Variants in ZC3H12B observed in about 807,000 individuals in gnomAD.
ZC3H12B encodes the protein probable ribonuclease ZC3H12B.
Under a neutral mutation model 43.9 loss-of-function variants are expected in ZC3H12B, and 7 were observed. The observed-to-expected ratio is 0.16, with a 90% CI of 0.09 to 0.30. ZC3H12B has a LOEUF of 0.30. Among genes scored for constraint, ZC3H12B ranks in the 10% least tolerant of loss-of-function variants. The probability of loss-of-function intolerance (pLI) is 1.00; values close to 1 mark genes in which losing one functional copy is unlikely to be tolerated. For missense variants in ZC3H12B, 475 were observed against 670.2 expected (o/e 0.71, Z 3.22); for synonymous variants, 222 against 241.7 (o/e 0.92, Z 0.76).
intron 3 of ZC3H12B, among the ~76,000 whole-genome samples, chrX:65,455,107 A>G (rs1449108583): frequency 1.8e-5 from 2 of 112,590 alleles, no homozygotes; most frequent in Admixed American, 1.9e-4. Flanking sequence ...CTCAACAGCA[A>G]TGCAACAAAG....
the ZC3H12B span, among the ~76,000 whole-genome samples, chrX:65,279,063 A>T: frequency 9.0e-6 from 1 of 110,873 alleles, no homozygotes; most frequent in Non-Finnish European, 1.9e-5. Context: ...ATTTAGATTG[A>T]TTCCATTCCT....
chrX:65,446,796 T>A (rs759197929), intron 3 of ZC3H12B, among the ~76,000 whole-genome samples: 2 of 111,888 alleles, frequency 1.8e-5, no homozygotes, highest in Non-Finnish European at 3.8e-5. Context: ...TTCCTTCATA[T>A]GATGTTAAAA....
intron 2 of ZC3H12B, among the ~76,000 whole-genome samples, chrX:65,387,100 T>C (rs1038721079): frequency 3.6e-5 from 4 of 111,944 alleles, no homozygotes; most frequent in African/African-American, 1.3e-4. Flanking sequence ...TGCAGTGTGG[T>C]GCTGAGAAGA....
the ZC3H12B span, among the ~76,000 whole-genome samples, chrX:65,275,136 C>G: frequency 8.9e-6 from 1 of 112,840 alleles, no homozygotes; most frequent in Non-Finnish European, 1.9e-5. Context: ...TAGAAATGCC[C>G]CACTGGCCAG....
chrX:65,365,840 C>A (rs1165601595), upstream of ZC3H12B, among the ~76,000 whole-genome samples: 1 of 109,560 alleles, frequency 9.1e-6, no homozygotes, highest in Non-Finnish European at 1.9e-5. Context: ...AGAGAACAAC[C>A]CCCTTTGACT....
chrX:65,341,200 T>C, the ZC3H12B span, among the ~76,000 whole-genome samples: 1 of 111,879 alleles, frequency 8.9e-6, no homozygotes, highest in Non-Finnish European at 1.9e-5. Flanking sequence ...CTGAGAAATA[T>C]AGAATTATGT....
chrX:65,279,132 A>T, the ZC3H12B span, among the ~76,000 whole-genome samples: 1 of 110,342 alleles, frequency 9.1e-6, no homozygotes, highest in Non-Finnish European at 1.9e-5. Flanking sequence ...AATGTTTTCT[A>T]TTCATCTGCA....
At chrX:65,219,489 A>C in the ZC3H12B span, among the ~76,000 whole-genome samples, 3 of 111,661 alleles carry the variant, frequency 2.7e-5, no homozygotes, top group Non-Finnish European at 5.6e-5. Flanking sequence ...AATGAAGGAC[A>C]CACATAGAGA....
At chrX:65,068,619 C>T in the ZC3H12B span, among the ~76,000 whole-genome samples, 3 of 111,530 alleles carry the variant, frequency 2.7e-5, no homozygotes, top group East Asian at 5.6e-4. Context: ...ATTTGTTCAT[C>T]GTTCATTCTT....
chrX:65,491,715 AT>A (rs1196226949), intron 1 of ZC3H12B, among the ~76,000 whole-genome samples: 13,030 of 90,808 alleles, frequency 0.14, 2,489 homozygotes, highest in African/African-American at 0.59. Context: ...TAAAAAAAAA[AT>A]ATATATATAT....
the ZC3H12B span, among the ~76,000 whole-genome samples, chrX:65,041,118 T>C: frequency 3.6e-5 from 4 of 112,622 alleles, no homozygotes; most frequent in East Asian, 8.4e-4. Flanking sequence ...CTTTCTACTA[T>C]CTTGTTTTTA....
At chrX:65,265,087 A>C in the ZC3H12B span, among the ~76,000 whole-genome samples, 1 of 111,880 alleles carries the variant, frequency 8.9e-6, no homozygotes, top group African/African-American at 3.2e-5. Context: ...CATAATAATT[A>C]CGATCTCTAA....
At chrX:65,042,528 A>G in the ZC3H12B span, among the ~76,000 whole-genome samples, 5 of 112,730 alleles carry the variant, frequency 4.4e-5, no homozygotes, top group African/African-American at 1.6e-4. Flanking sequence ...AGTTAACTAA[A>G]GGCTATGGAA....
At chrX:65,466,266 A>G (rs1386460077) in intron 3 of ZC3H12B, among the ~76,000 whole-genome samples, 1 of 110,786 alleles carries the variant, frequency 9.0e-6, no homozygotes, top group Admixed American at 9.7e-5. Flanking sequence ...ATATTTTTCT[A>G]CATCTTGCTT....
chrX:65,182,630 A>C, the ZC3H12B span, among the ~76,000 whole-genome samples: 1 of 110,163 alleles, frequency 9.1e-6, no homozygotes, highest in Non-Finnish European at 1.9e-5. Context: ...ATAGATAGAC[A>C]ACCTACAGAA....
At chrX:65,146,098 T>G in the ZC3H12B span, among the ~76,000 whole-genome samples, 1 of 111,443 alleles carries the variant, frequency 9.0e-6, no homozygotes, top group Non-Finnish European at 1.9e-5. Context: ...TAGATTTCTC[T>G]TTTTCCTCAG....
the ZC3H12B span, among the ~76,000 whole-genome samples, chrX:65,061,981 G>A: frequency 2.7e-5 from 3 of 112,374 alleles, no homozygotes; most frequent in Non-Finnish European, 3.8e-5. Context: ...AGAAGTGTCT[G>A]TTCATATCCT....
upstream of ZC3H12B, among the ~76,000 whole-genome samples, chrX:65,364,608 T>C (rs189412631): frequency 9.0e-6 from 1 of 110,867 alleles, no homozygotes; most frequent in Non-Finnish European, 1.9e-5. Flanking sequence ...AGGCAAATGG[T>C]TCTTGGACCA....
chrX:65,392,450 G>A (rs1402352642), intron 2 of ZC3H12B, among the ~76,000 whole-genome samples: 4 of 106,137 alleles, frequency 3.8e-5, no homozygotes, highest in Non-Finnish European at 7.8e-5. Flanking sequence ...CCCTCCGCCC[G>A]GCAGCCGTCC....
Sources: gnomAD v4.1 joint callset for allele counts (sites outside exome capture counted in the v4.1 genomes callset) on GRCh38, gnomAD v4.1.1 for gene constraint, MANE v1.5 for transcripts, NCBI Gene and HGNC (gene_info 2026-07-23, HGNC 2026-07-21) for gene names.